TRPV2: variants seen among roughly 807,000 people sequenced by gnomAD.
The protein encoded by TRPV2 is OTRPC2.
TRPV2 carries 58 observed loss-of-function variants against 91.0 expected under a neutral mutation model. The ratio of observed to expected loss-of-function variants is 0.64; its 90% CI spans 0.52 to 0.79. The LOEUF (loss-of-function observed/expected upper bound fraction) is 0.79. TRPV2 is among the 30% of genes least tolerant of loss of function. The pLI is 0.00. For missense variants in TRPV2, 807 were observed against 969.6 expected (o/e 0.83, Z 2.23); for synonymous variants, 417 against 414.8 (o/e 1.01, Z -0.06).
chr17:16,421,819 T>TC (rs960160320), intron 3 of TRPV2, among the ~76,000 whole-genome samples: 1 of 149,922 alleles, frequency 6.7e-6, no homozygotes, highest in Admixed American at 6.7e-5. Context: ...CGCCTGGCCT[T>TC]ATATTATTCC....
intron 10 of TRPV2, among the ~76,000 whole-genome samples, chr17:16,430,441 G>A (rs976861922): frequency 9.9e-5 from 15 of 150,926 alleles, no homozygotes; most frequent in African/African-American, 3.6e-4. Flanking sequence ...TCAGTATAAT[G>A]TCCTCAAGGA....
At chr17:16,427,316 C>A in intron 7 of TRPV2, 133 bp from the exon 8 acceptor site, 1 of 756,870 alleles carries the variant, frequency 1.3e-6, no homozygotes, top group Non-Finnish European at 2.1e-6. Flanking sequence ...TTCCCTGGAG[C>A]CCATGTTCCC....
chr17:16,427,905 C>T (rs2093391345), intron 8 of TRPV2, among the ~76,000 whole-genome samples: 1 of 152,188 alleles, frequency 6.6e-6, no homozygotes, highest in South Asian at 2.1e-4. Flanking sequence ...CAGGCTATTT[C>T]CCCCAGTAGG....
At position 16,426,579 on chromosome 17, in the gene TRPV2, G is replaced by A; in HGVS notation, c.1096-143G>A. On this transcript the variant is annotated intron_variant, in intron 6 of 14. Coordinates refer to ENST00000338560, the MANE Select transcript of TRPV2 (RefSeq NM_016113.5). This position sits in a 1 kb window ranked among gnomAD's most constrained non-coding sequence, Gnocchi z 6.0. The stretch of plus-strand genomic sequence containing the variant: ...CTGTAGCTGGGAGGGTTGGCGTGAG[G>A]TCCTTTGGGGCTCCTGGGGTGTGGA... The A allele has an allele frequency of 1.0e-6, 1 of 995,260 alleles. No homozygotes were observed. Among genetic ancestry groups the A allele is most frequent in the South Asian group, 1.7e-5 (1 of 58,616 alleles). 61.7% of individuals were successfully genotyped at this position (995,260 alleles called of 1,614,324 possible).
At chr17:16,421,426 G>A (rs2093356232) in intron 3 of TRPV2, among the ~76,000 whole-genome samples, 1 of 151,350 alleles carries the variant, frequency 6.6e-6, no homozygotes, top group Non-Finnish European at 1.5e-5. Context: ...CACCGTTTTA[G>A]CCAGGATGGT....
rs1250694958 is a variant in TRPV2 at position 16,431,279 on chromosome 17, A to T, written c.1588-505A>T. Among the ~76,000 whole-genome samples, 149 of 74,964 alleles carry T rather than the reference A, an allele frequency of 2.0e-3. 2 individuals are homozygous for T. Among genetic ancestry groups the T allele is most frequent in the African/African-American group, 7.9e-3 (140 of 17,636 alleles). The allele number at this position is 74,964 out of a possible 152,430, so 49.2% of individuals were successfully genotyped here. On this transcript the variant is annotated intron_variant, in intron 10 of 14. Transcript: ENST00000338560. ...GACATATATATATATATATATATAT[A>T]TATATATACATATTTTTTTTTTTTT...
Position 16,421,065 on chromosome 17 carries a change from C to T in TRPV2, c.334+817C>T, listed in dbSNP as rs77918434. ...TCTAACTTAGTCACTTTGACAACTG[C>T]AGAGTGAGTTTTCCCTTGTGTCCTT... On this transcript the variant is annotated intron_variant, in intron 3 of 14. Transcript: ENST00000338560. Among the ~76,000 whole-genome samples, 399 of 152,302 alleles carry T rather than the reference C, an allele frequency of 2.6e-3. 2 individuals carry two copies. Among genetic ancestry groups the T allele is most frequent in the African/African-American group, 9.3e-3 (387 of 41,560 alleles).
At chr17:16,433,544 C>G (rs138068074) in intron 12 of TRPV2, 30 bp from the exon 13 acceptor site, 1 of 1,610,796 alleles carries the variant, frequency 6.2e-7, no homozygotes, top group Admixed American at 1.7e-5. Flanking sequence ...GGTCCCAGGA[C>G]GTTCTGTCTG....
At chr17:16,436,727 G>A (rs1297802122) in intron 14 of TRPV2, 62 bp from the exon 15 acceptor site, 2 of 1,240,874 alleles carry the variant, frequency 1.6e-6, no homozygotes, top group Non-Finnish European at 2.4e-6. Flanking sequence ...CCGTTTCCCT[G>A]GTGCCTGCTT....
chr17:16,427,223 A>C (rs772743185), intron 7 of TRPV2, among the ~76,000 whole-genome samples: 5 of 152,134 alleles, frequency 3.3e-5, no homozygotes, highest in Non-Finnish European at 5.9e-5. Flanking sequence ...AGTGGTGTGG[A>C]GAGGGAATCT....
intron 5 of TRPV2, among the ~76,000 whole-genome samples, chr17:16,424,010 A>T (rs1482126852): frequency 6.6e-6 from 1 of 151,596 alleles, no homozygotes; most frequent in Non-Finnish European, 1.5e-5. Context: ...TTTTTTTGAG[A>T]CGGTGTTTCG....
At chr17:16,423,957 A>G (rs1433801335) in intron 5 of TRPV2, among the ~76,000 whole-genome samples, 190 bp downstream of exon 5, 1 of 152,220 alleles carries the variant, frequency 6.6e-6, no homozygotes, top group Non-Finnish European at 1.5e-5. Context: ...TAAATTGCAT[A>G]TGAACTACTG....
Position 16,426,063 on chromosome 17 carries a change from G to A in TRPV2, c.925-36G>A, listed in dbSNP as rs1192270299. ...TTGGCCCAGGATCAGTGCCAGGAAG[G>A]GACCATGAATGCAAGCTCATATGGC... On this transcript the variant is annotated intron_variant, in intron 5 of 14. Transcript: ENST00000338560. The surrounding 1 kb of genome is among the most constrained non-coding windows in gnomAD (Gnocchi z 6.0). 2 of 1,611,586 alleles carry A rather than the reference G, an allele frequency of 1.2e-6. No homozygotes were observed. The highest frequency in any genetic ancestry group is 1.7e-6 in the Non-Finnish European group (2 of 1,178,264).
intron 9 of TRPV2, 152 bp downstream of exon 9, chr17:16,428,539 G>A: frequency 2.3e-6 from 2 of 886,384 alleles, no homozygotes; most frequent in Non-Finnish European, 3.6e-6. Context: ...AGTCTGGGCT[G>A]CCGTCCAGCC....
At chr17:16,420,039 G>A (rs1418729915) in intron 2 of TRPV2, 76 bp from the exon 3 acceptor site, 2 of 1,566,812 alleles carry the variant, frequency 1.3e-6, no homozygotes, top group South Asian at 2.4e-5. Flanking sequence ...CCCTGAAAGG[G>A]CTCCCTGGGA....
At chr17:16,429,083 T>C in intron 10 of TRPV2, 101 bp downstream of exon 10, 1 of 1,321,496 alleles carries the variant, frequency 7.6e-7, no homozygotes, top group Non-Finnish European at 1.0e-6. Flanking sequence ...TGTGTACATC[T>C]GCCTGTGCGC....
In TRPV2 at chr17:16,422,612, T is replaced by C; in HGVS notation, c.348T>C (p.Gly116=). The change falls in exon 4 of 15, where the codon GGT becomes GGC. Residue 116 remains glycine, a synonymous_variant. Transcript: ENST00000338560. ...TDSEYTEGST[G]KTCLMKAVLN... ...TTCTTCCCACAGAGGGCTCCACAGG[T>C]AAGACGTGCCTGATGAAGGCTGTGC... 1 of 1,613,760 alleles carries C rather than the reference T, an allele frequency of 6.2e-7. No individual in the cohort carries two copies. The highest frequency in any genetic ancestry group is 1.1e-5 in the South Asian group (1 of 91,062).
At chr17:16,420,438 C>T (rs1290437644) in intron 3 of TRPV2, among the ~76,000 whole-genome samples, 190 bp downstream of exon 3, 2 of 152,206 alleles carry the variant, frequency 1.3e-5, no homozygotes, top group Non-Finnish European at 2.9e-5. Flanking sequence ...TTGGCTGTGC[C>T]TCCCACTTCC....
chr17:16,432,054 G>A lies in TRPV2; in HGVS notation c.1743G>A (p.Gln581=), dbSNP rs770885363. ...ATESVQPMEG[Q]EDEGNGAQYR... ...AGTCAGTGCAGCCCATGGAGGGACA[G>A]GAGGACGAGGGCAACGGGGCCCAGT... The change falls in exon 12 of 15, where the codon CAG becomes CAA. Residue 581 remains glutamine (Q), a synonymous_variant. Transcript: ENST00000338560. The A allele has an allele frequency of 6.2e-6, 10 of 1,613,748 alleles. No homozygotes were observed. Among genetic ancestry groups the A allele is most frequent in the Non-Finnish European group, 8.5e-6 (10 of 1,179,776 alleles).
Sources: allele counts gnomAD v4.1 joint callset (sites outside exome capture counted in the v4.1 genomes callset), GRCh38; gene constraint gnomAD v4.1.1; non-coding constraint Gnocchi (gnomAD v3.1); transcripts MANE v1.5; gene names NCBI Gene and HGNC (gene_info 2026-07-23, HGNC 2026-07-21).